AGBL1: variants seen among roughly 807,000 people sequenced by gnomAD.
AGBL1 encodes the protein AGBL carboxypeptidase 1, also known as cytosolic carboxypeptidase 4.
In AGBL1, 130 loss-of-function variants were observed where a neutral mutation model predicts 118.9. The observed-to-expected ratio is 1.09, with a 90% CI of 0.95 to 1.26. The LOEUF is 1.26. Among genes scored for constraint, AGBL1 ranks in the 50% most tolerant of loss-of-function variants. The pLI, the probability that AGBL1 is intolerant of heterozygous loss-of-function variation, is 0.00. For missense variants in AGBL1, 1,584 were observed against 1,298.1 expected (o/e 1.22, Z -3.38); for synonymous variants, 555 against 478.9 (o/e 1.16, Z -2.08).
rs1431244 is a variant in AGBL1 at position 86,389,064 on chromosome 15, T to C, written c.2375-8302T>C. On this transcript the variant is annotated intron_variant, in intron 17 of 22. Coordinates refer to ENST00000614907, the MANE Select transcript of AGBL1 (RefSeq NM_001386094.1). ...AAATTAGAAATGTATCGGTAATAAC[T>C]GATATAGCTTTTGAAGAGAAGAAAA... is the stretch of plus-strand genomic sequence containing the variant. Among the ~76,000 whole-genome samples the C allele has an allele frequency of 3.3e-3, 501 of 152,294 alleles. 3 individuals carry two copies. Among genetic ancestry groups the C allele is most frequent in the African/African-American group, 0.011 (478 of 41,566 alleles).
rs557297073 is a variant in AGBL1, at chr15:86,542,688, A to G, written c.2686-3314A>G. Reference sequence around the variant, plus strand: ...CTGGCGAGATGGGGTCTTTGATTTTATGGAGATTATGCAATCCTAGAGTAC... The same window carrying G: ...CTGGCGAGATGGGGTCTTTGATTTTGTGGAGATTATGCAATCCTAGAGTAC... On this transcript the variant is annotated intron_variant, in intron 19 of 22. Coordinates refer to ENST00000614907, the MANE Select transcript of AGBL1 (RefSeq NM_001386094.1). 3.0e-4 allele frequency among the ~76,000 whole-genome samples: 45 copies of G among 152,050 alleles called. 1 individual carries two copies. The East Asian group carries it at 3.5e-3, about 12-fold the overall frequency.
At chr15:86,115,370 A>G (rs569878517) in intron 1 of AGBL1, among the ~76,000 whole-genome samples, 12 of 152,298 alleles carry the variant, frequency 7.9e-5, no homozygotes, top group African/African-American at 2.6e-4. Flanking sequence ...CACGATGTGC[A>G]TTTCCTGGCA....
At chr15:86,830,741 T>G (rs1259728740) in intron 22 of AGBL1, among the ~76,000 whole-genome samples, 1 of 152,188 alleles carries the variant, frequency 6.6e-6, no homozygotes, top group Non-Finnish European at 1.5e-5. Context: ...GGAAGGGTAT[T>G]AATTTGTCCT....
At chr15:86,843,333 A>C (rs549202360) in intron 22 of AGBL1, among the ~76,000 whole-genome samples, 105 of 151,732 alleles carry the variant, frequency 6.9e-4, no homozygotes, top group Non-Finnish European at 7.9e-4. Flanking sequence ...CACTGAAGCC[A>C]GGACTTTTTT....
chr15:86,909,591 T>C lies in AGBL1; in HGVS notation c.*2297T>C, dbSNP rs1168898646. ...AAGACATGTATGTTTATGTAACATA[T>C]GCAAGAAATTTGAAGACTATTAGCA... On this transcript the variant is annotated 3_prime_UTR_variant, in exon 23 of 23. Transcript: ENST00000614907. 6.6e-6 allele frequency: 1 copy of C among 152,252 alleles called. No homozygotes were observed. The highest frequency in any genetic ancestry group is 1.5e-5 in the Non-Finnish European group (1 of 68,048). 9.4% of individuals were successfully genotyped at this position (152,252 alleles called of 1,614,324 possible).
intron 22 of AGBL1, among the ~76,000 whole-genome samples, chr15:86,885,165 T>C (rs557311073): frequency 1.3e-5 from 2 of 152,294 alleles, no homozygotes; most frequent in African/African-American, 4.8e-5. Flanking sequence ...TATAATACAA[T>C]ATCATGGTTT....
At chr15:86,628,196 A>G (rs28592858) in intron 21 of AGBL1, among the ~76,000 whole-genome samples, 6,205 of 152,220 alleles carry the variant, frequency 0.041, 230 homozygotes, top group African/African-American at 0.097. Context: ...TTCGATTTGT[A>G]ATAATAGGTC....
chr15:86,882,994 A>T (rs2079917059), intron 22 of AGBL1, among the ~76,000 whole-genome samples: 1 of 152,212 alleles, frequency 6.6e-6, no homozygotes. Context: ...TGTGAAATGA[A>T]TTTAGAGGAG....
intron 23 of AGBL1, among the ~76,000 whole-genome samples, chr15:86,946,881 A>G (rs1039558293): frequency 2.0e-5 from 3 of 151,752 alleles, no homozygotes; most frequent in Non-Finnish European, 4.4e-5. Context: ...AAAGAAAGAA[A>G]AAGAAATACT....
intron 22 of AGBL1, among the ~76,000 whole-genome samples, chr15:86,807,924 G>C (rs1428184304): frequency 6.6e-6 from 1 of 152,208 alleles, no homozygotes. Flanking sequence ...AGGCATCAGA[G>C]TGTGAATATA....
At chr15:86,521,683 G>A (rs777257332) in intron 18 of AGBL1, among the ~76,000 whole-genome samples, 7 of 152,114 alleles carry the variant, frequency 4.6e-5, no homozygotes, top group Non-Finnish European at 1.0e-4. Flanking sequence ...AAGATAGAAT[G>A]GGTGATGTAT....
rs1021932890 is a variant in AGBL1, at chr15:86,946,086, A to G, written c.3222-41901A>G. 8.5e-5 allele frequency: 13 copies of G among 152,244 alleles called. 2 individuals are homozygous for G. The highest frequency in any genetic ancestry group is 8.5e-4 in the Admixed American group (13 of 15,286). The allele number at this position is 152,244 out of a possible 1,614,324, so 9.4% of individuals were successfully genotyped here. Reference sequence around the variant, plus strand: ...TATTTTAAGGTGGGGTGAGAATTATAACTCACATCTCCCAACTCTAAGTTC... The same window carrying G: ...TATTTTAAGGTGGGGTGAGAATTATGACTCACATCTCCCAACTCTAAGTTC... On this transcript the variant is annotated intron_variant, in intron 23 of 24. Coordinates refer to the AGBL1 transcript ENST00000441037.
At chr15:86,376,622 T>C (rs2081044099) in intron 17 of AGBL1, among the ~76,000 whole-genome samples, 1 of 152,226 alleles carries the variant, frequency 6.6e-6, no homozygotes, top group Non-Finnish European at 1.5e-5. Context: ...TGGGGCTTGA[T>C]TGCATACTGC....
At chr15:86,277,763 T>A (rs2141711535) in intron 15 of AGBL1, among the ~76,000 whole-genome samples, 1 of 152,282 alleles carries the variant, frequency 6.6e-6, no homozygotes, top group South Asian at 2.1e-4. Flanking sequence ...GTCTCCACCA[T>A]TTGTAGGTGA....
intron 24 of AGBL1, among the ~76,000 whole-genome samples, chr15:86,991,801 A>C (rs8031800): frequency 1.3e-5 from 2 of 152,086 alleles, no homozygotes; most frequent in African/African-American, 4.8e-5. Context: ...GTAATCACCA[A>C]GGACACCCAA....
At position 86,526,542 on chromosome 15, in the gene AGBL1, G is replaced by GTA. The variant is rs1261876704; in HGVS notation, c.2685+3604_2685+3605insAT. ...TATGCACACAGATATGTTTGTGTCT[G>GTA]TGTATATATATATATATATATATAT... On this transcript the variant is annotated intron_variant, in intron 19 of 22. Coordinates refer to ENST00000614907, the MANE Select transcript of AGBL1 (RefSeq NM_001386094.1). Among the ~76,000 whole-genome samples, 337 of 41,438 alleles carry GTA rather than the reference G, an allele frequency of 8.1e-3. 3 individuals are homozygous for GTA. Among genetic ancestry groups the GTA allele is most frequent in the African/African-American group, 0.021 (322 of 15,516 alleles). The allele number at this position is 41,438 out of a possible 152,430, so 27.2% of individuals were successfully genotyped here.
chr15:86,135,797 TAA>T (rs1467051083), intron 1 of AGBL1, among the ~76,000 whole-genome samples: 1 of 152,102 alleles, frequency 6.6e-6, no homozygotes, highest in East Asian at 1.9e-4. Flanking sequence ...CCCCTCCCCT[TAA>T]ATTTGGACTA....
intron 19 of AGBL1, among the ~76,000 whole-genome samples, chr15:86,525,094 C>T (rs1032533710): frequency 3.3e-5 from 5 of 151,968 alleles, no homozygotes; most frequent in Admixed American, 6.6e-5. Context: ...AATAGCACTG[C>T]TGTATACCAA....
chr15:86,599,383 A>C (rs1030645472), intron 21 of AGBL1, among the ~76,000 whole-genome samples: 1 of 151,966 alleles, frequency 6.6e-6, no homozygotes, highest in Non-Finnish European at 1.5e-5. Flanking sequence ...GCCATTGAAC[A>C]TGTTAACCAT....
Sources: allele counts gnomAD v4.1 joint callset (sites outside exome capture counted in the v4.1 genomes callset), GRCh38; gene constraint gnomAD v4.1.1; transcripts MANE v1.5; gene names NCBI Gene and HGNC (gene_info 2026-07-23, HGNC 2026-07-21).